The following RNF141 variants were observed in gnomAD, a reference collection of about 807,000 sequenced individuals.
RNF141 encodes the protein ring finger protein 141, also known as C3HC4-like zinc finger protein.
RNF141 carries 18 observed loss-of-function variants against 27.4 expected under a neutral mutation model. The observed-to-expected ratio is 0.66, with a 90% CI of 0.45 to 0.97. The LOEUF (loss-of-function observed/expected upper bound fraction) is 0.97, where lower values mean the gene tolerates loss of function less well. Ranked by LOEUF, RNF141 falls within the 50% of genes least tolerant of loss-of-function variation. The pLI is 0.00. For missense variants in RNF141, 230 were observed against 279.4 expected (o/e 0.82, Z 1.26); for synonymous variants, 97 against 96.6 (o/e 1.00, Z -0.02).
intron 3 of RNF141, among the ~76,000 whole-genome samples, chr11:10,526,917 A>G (rs1849941358): frequency 6.6e-6 from 1 of 152,238 alleles, no homozygotes. Flanking sequence ...CTTTGTACTA[A>G]AAGACTGTAC....
chr11:10,518,769 T>A, intron 5 of RNF141: 1 of 331,220 alleles, frequency 3.0e-6, no homozygotes, highest in Non-Finnish European at 5.5e-6. Flanking sequence ...AAGGGAAATG[T>A]TTGATTTTAG....
rs1162125071 is a variant in RNF141 at position 10,519,255 on chromosome 11, A to G, written c.435-114T>C. 4.1e-6 allele frequency: 3 copies of G among 724,894 alleles called. No homozygotes were observed. The South Asian group carries it at 6.6e-5, about 16-fold the overall frequency. 44.9% of individuals were successfully genotyped at this position (724,894 alleles called of 1,614,324 possible). A position where few individuals can be genotyped will look rare whatever the true frequency, so the allele number is the denominator to read the frequency against. ...CTATATGCCCACAGTATAAAGCACA[A>G]TATGACTCATGTGCAAAATCAGACT... is the stretch of plus-strand genomic sequence containing the variant. On this transcript the variant is annotated intron_variant, in intron 4 of 5. Transcript: ENST00000265981.
intron 1 of RNF141, among the ~76,000 whole-genome samples, chr11:10,535,201 A>T (rs888994533): frequency 2.6e-5 from 4 of 151,960 alleles, no homozygotes; most frequent in African/African-American, 7.2e-5. Context: ...TTTATCATTA[A>T]TCAAAAAATA....
chr11:10,522,374 G>C (rs536875409), intron 4 of RNF141, among the ~76,000 whole-genome samples: 1 of 152,346 alleles, frequency 6.6e-6, no homozygotes, highest in East Asian at 1.9e-4. Context: ...AGTGGAACCA[G>C]TACAAAGTTC....
chr11:10,534,024 A>G lies in RNF141; in HGVS notation c.135T>C (p.Leu45=). ...AAAAGAGCAAGCCTTACACATCATT[A>G]AGCTCAGCTACTCTCCCAAGAAATT... ...YEEFLGRVAE[L]NDVTAKVASG... The change falls in exon 2 of 6, where the codon CTT becomes CTC. Residue 45 remains leucine, a synonymous_variant. Coordinates refer to ENST00000265981, the MANE Select transcript of RNF141 (RefSeq NM_016422.4). 6.2e-7 allele frequency: 1 copy of G among 1,613,230 alleles called. No homozygotes were observed. Among genetic ancestry groups the G allele is most frequent in the Non-Finnish European group, 8.5e-7 (1 of 1,179,536 alleles).
At chr11:10,515,274 T>C (rs1849834563) in intron 5 of RNF141, 2 of 574,528 alleles carry the variant, frequency 3.5e-6, no homozygotes, top group Non-Finnish European at 3.0e-6. Context: ...CCTCCAGAGA[T>C]AGACTAAGCT....
rs751865414 is a variant in RNF141, at chr11:10,512,692, A to G, written c.*2224T>C. The G allele has an allele frequency of 1.3e-5, 2 of 149,296 alleles. No homozygotes were observed. Among genetic ancestry groups the G allele is most frequent in the Non-Finnish European group, 3.0e-5 (2 of 67,266 alleles). The allele number at this position is 149,296 out of a possible 1,614,324, so 9.2% of individuals were successfully genotyped here. ...TCATCTATCCCAAGGTTTTCAAAAT[A>G]TGTTCCATGGAATACTAAGAATCTA... On this transcript the variant is annotated 3_prime_UTR_variant, in exon 6 of 6. Transcript: ENST00000265981.
intron 1 of RNF141, among the ~76,000 whole-genome samples, chr11:10,537,638 T>C (rs1850050203): frequency 6.6e-6 from 1 of 152,118 alleles, no homozygotes; most frequent in East Asian, 1.9e-4. Context: ...TTTTTATACA[T>C]ACACAGGAGC....
chr11:10,531,575 T>C (rs973411151), intron 2 of RNF141, among the ~76,000 whole-genome samples: 1 of 152,192 alleles, frequency 6.6e-6, no homozygotes, highest in Non-Finnish European at 1.5e-5. Context: ...ACTTTATATA[T>C]AGCTCTACTG....
At chr11:10,520,454 C>T (rs1333761562) in intron 4 of RNF141, among the ~76,000 whole-genome samples, 1 of 152,158 alleles carries the variant, frequency 6.6e-6, no homozygotes. Flanking sequence ...CCGCCTCCAC[C>T]TCTTGTCCCA....
At chr11:10,524,776 A>G (rs2133969591) in intron 4 of RNF141, among the ~76,000 whole-genome samples, 1 of 152,310 alleles carries the variant, frequency 6.6e-6, no homozygotes, top group East Asian at 1.9e-4. Context: ...TCCTGAAGCC[A>G]ATATATAAAA....
chr11:10,524,180 C>T (rs117223295), intron 4 of RNF141, among the ~76,000 whole-genome samples: 6,037 of 152,070 alleles, frequency 0.04, 241 homozygotes, highest in African/African-American at 0.1. Flanking sequence ...TCTGGGAGGC[C>T]GAGGAGGGCA....
At position 10,519,039 on chromosome 11, in the gene RNF141, A is replaced by G. The variant is rs201745825; in HGVS notation, c.537T>C (p.Asp179=). The G allele has an allele frequency of 8.2e-5, 132 of 1,613,522 alleles. 1 individual carries two copies. The Admixed American group carries it at 2.2e-3, about 26-fold the overall frequency. ...CAHSFCQKCI[D]KWSDRHRNCP... is the part of the protein sequence containing the mutation. The stretch of plus-strand genomic sequence containing the variant: ...GAATGCAGTAGGTAACTTACCATTT[A>G]TCAATACACTTCTGACAAAAGCTGT... Residue 179 remains aspartate (D), a synonymous_variant, in exon 5 of 6, where the codon GAT becomes GAC. Transcript: ENST00000265981.
At chr11:10,526,851 A>G (rs1288104802) in intron 3 of RNF141, among the ~76,000 whole-genome samples, 1 of 152,208 alleles carries the variant, frequency 6.6e-6, no homozygotes, top group African/African-American at 2.4e-5. Flanking sequence ...ATAATCAGAA[A>G]GTTGATTAAA....
chr11:10,535,899 GACTGGTATTAGGGAGCC>G (rs1261426161), intron 1 of RNF141, among the ~76,000 whole-genome samples: 1 of 152,172 alleles, frequency 6.6e-6, no homozygotes, highest in East Asian at 1.9e-4. Flanking sequence ...AAGGGTTGCA[GACTGGTATTAGGGAGCC>G]ACTGTGTTAC....
rs530956599 is a variant in RNF141, at chr11:10,540,056, T to C, written c.-48+1066A>G. ...ATAAAAATCCATACTATTTTTGAGC[T>C]CTGAATTCAGAAAGCATCACTTCTC... On this transcript the variant is annotated intron_variant, in intron 1 of 5. Transcript: ENST00000265981. Among the ~76,000 whole-genome samples the C allele has an allele frequency of 2.6e-5, 4 of 152,232 alleles. No homozygotes were observed. In the South Asian group the frequency reaches 6.2e-4, roughly 24 times the overall value.
Position 10,514,422 on chromosome 11 carries a change from A to C in RNF141, c.*494T>G, listed in dbSNP as rs551797128. ...ATTAACCACAAGGGGGCATATATATATATACTCCTTAGATTCCAGCAGAAA... is the reference window on the plus strand; with the variant it reads ...ATTAACCACAAGGGGGCATATATATCTATACTCCTTAGATTCCAGCAGAAA... On this transcript the variant is annotated 3_prime_UTR_variant, in exon 6 of 6. Coordinates refer to ENST00000265981, the MANE Select transcript of RNF141 (RefSeq NM_016422.4). 5.9e-5 allele frequency: 9 copies of C among 152,862 alleles called. No individual in the cohort carries two copies. The highest frequency in any genetic ancestry group is 2.0e-4 in the Admixed American group (3 of 15,302). The allele number at this position is 152,862 out of a possible 1,614,324, so 9.5% of individuals were successfully genotyped here.
intron 4 of RNF141, among the ~76,000 whole-genome samples, chr11:10,520,732 A>G (rs1047958882): frequency 4.6e-5 from 7 of 152,264 alleles, no homozygotes; most frequent in African/African-American, 1.4e-4. Context: ...GTTTGTTTAC[A>G]CCAGCATCAC....
intron 2 of RNF141, among the ~76,000 whole-genome samples, chr11:10,532,277 T>C (rs931519508): frequency 1.2e-4 from 18 of 152,160 alleles, no homozygotes; most frequent in African/African-American, 4.3e-4. Flanking sequence ...TTTTTAAAAT[T>C]CTTTAAGAAT....
Sources: allele counts gnomAD v4.1 joint callset (sites outside exome capture counted in the v4.1 genomes callset), GRCh38; gene constraint gnomAD v4.1.1; transcripts MANE v1.5; gene names NCBI Gene and HGNC (gene_info 2026-07-23, HGNC 2026-07-21).